The following DCAF13 variants were observed in gnomAD, a reference collection of about 807,000 sequenced individuals.
DCAF13 encodes DDB1- and CUL4-associated factor 13.
DCAF13 carries 38 observed loss-of-function variants against 59.0 expected under a neutral mutation model. The observed-to-expected ratio is 0.64, with a 90% CI of 0.50 to 0.84. The LOEUF (loss-of-function observed/expected upper bound fraction) is 0.84. Among genes scored for constraint, DCAF13 ranks in the 40% least tolerant of loss-of-function variants. DCAF13 has a pLI of 0.00. For missense variants in DCAF13, 469 were observed against 558.4 expected, an observed-to-expected ratio of 0.84 and a Z score of 1.61; for synonymous variants, 173 against 175.0, an observed-to-expected ratio of 0.99 and a Z score of 0.09.
At chr8:103,440,417 G>T in intron 9 of DCAF13, 146 bp downstream of exon 9, 2 of 622,322 alleles carry the variant, frequency 3.2e-6, no homozygotes, top group South Asian at 5.5e-5. Context: ...AATGGACAAG[G>T]TTGTATTGAT....
chr8:103,422,458 G>A (rs1471429850), intron 3 of DCAF13, among the ~76,000 whole-genome samples: 1 of 152,216 alleles, frequency 6.6e-6, no homozygotes, highest in Non-Finnish European at 1.5e-5. Flanking sequence ...CCTCTGGGAA[G>A]TGGGAAAACT....
intron 7 of DCAF13, among the ~76,000 whole-genome samples, chr8:103,434,362 A>C (rs1052880584): frequency 6.6e-6 from 1 of 152,042 alleles, no homozygotes; most frequent in Non-Finnish European, 1.5e-5. Flanking sequence ...CATGTACACA[A>C]ATTGATATGC....
chr8:103,441,772 T>C lies in DCAF13; in HGVS notation c.1250+154T>C. The C allele has an allele frequency of 7.1e-6, 5 of 701,026 alleles. No homozygotes were observed. In the South Asian group the frequency reaches 1.1e-4, roughly 15 times the overall value. The allele number at this position is 701,026 out of a possible 1,614,324, so 43.4% of individuals were successfully genotyped here. On this transcript the variant is annotated intron_variant, in intron 10 of 10. Transcript: ENST00000612750. The stretch of plus-strand genomic sequence containing the variant: ...TTTGAAGACTTCTACAGAAGGCCTT[T>C]TCTTTTTTCTTTTTTTTTTTTTTGA...
chr8:103,417,659 AAG>A (rs1168756112), intron 1 of DCAF13, among the ~76,000 whole-genome samples: 1 of 151,480 alleles, frequency 6.6e-6, no homozygotes, highest in Non-Finnish European at 1.5e-5. Context: ...AAAAAAAAAA[AAG>A]AACATCTTTA....
intron 5 of DCAF13, chr8:103,428,826 T>C (rs866346495): frequency 1.3e-5 from 2 of 152,272 alleles, no homozygotes; most frequent in Middle Eastern, 3.4e-3. Flanking sequence ...GATCACCAAT[T>C]CTAAAATCGT....
chr8:103,438,190 A>G (rs1042192990), intron 8 of DCAF13, among the ~76,000 whole-genome samples: 3 of 152,084 alleles, frequency 2.0e-5, no homozygotes, highest in Non-Finnish European at 4.4e-5. Flanking sequence ...ACTGCTTTGG[A>G]AAAAAGGGCT....
Position 103,437,372 on chromosome 8 carries a change from A to T in DCAF13, c.950+1582A>T, listed in dbSNP as rs545013136. Among the ~76,000 whole-genome samples the T allele has an allele frequency of 1.2e-3, 183 of 152,302 alleles. 1 individual carries two copies. Among genetic ancestry groups the T allele is most frequent in the African/African-American group, 4.3e-3 (177 of 41,558 alleles). On this transcript the variant is annotated intron_variant, in intron 8 of 10. Coordinates refer to ENST00000612750, the MANE Select transcript of DCAF13 (RefSeq NM_015420.7). Reference sequence around the variant, plus strand: ...ACAAAAGAATGAAACGAGAACAAAGAAAAAAACAGGACTGTGTAGTTACCT... The same window carrying T: ...ACAAAAGAATGAAACGAGAACAAAGTAAAAAACAGGACTGTGTAGTTACCT...
chr8:103,426,094 T>A lies in DCAF13; in HGVS notation c.417T>A (p.Asp139Glu), dbSNP rs1816789137. The A allele has an allele frequency of 1.2e-6, 2 of 1,612,770 alleles. No individual in the cohort carries two copies. Among genetic ancestry groups the A allele is most frequent in the African/African-American group, 2.7e-5 (2 of 74,860 alleles). Residue 139 changes from aspartate (D) to glutamate (E), a missense_variant, in exon 4 of 11, where the codon GAT becomes GAA. Asp to Glu is a conservative substitution (Grantham distance 45, BLOSUM62 2). Coordinates refer to ENST00000612750, the MANE Select transcript of DCAF13 (RefSeq NM_015420.7). ...AAACTGTGAAGCAGTGGAAAATGGA[T>A]GGGCCAGGCTATGGAGACGAGGAAG... ...DDKTVKQWKM[D>E]GPGYGDEEEP...
chr8:103,418,850 A>ATTTATATATT (rs1451918664), intron 1 of DCAF13, among the ~76,000 whole-genome samples: 4 of 17,994 alleles, frequency 2.2e-4, no homozygotes, highest in African/African-American at 1.1e-3. Context: ...ATATATATAT[A>ATTTATATATT]TATATATATA....
chr8:103,430,620 C>T lies in DCAF13; in HGVS notation c.633C>T (p.Leu211=). 2 of 1,610,812 alleles carry T rather than the reference C, an allele frequency of 1.2e-6. No individual in the cohort carries two copies. The highest frequency in any genetic ancestry group is 1.7e-6 in the Non-Finnish European group (2 of 1,178,332). Residue 211 remains leucine (L), a synonymous_variant, in exon 6 of 11, where the codon CTC becomes CTT. Transcript: ENST00000612750. ...SVKFNPIETF[L]LGSCASDRNI... Reference sequence around the variant, plus strand: ...GTTATACTTGTTTTTAGACATTTCTCTTGGGAAGTTGTGCATCTGACAGGA... The same window carrying T: ...GTTATACTTGTTTTTAGACATTTCTTTTGGGAAGTTGTGCATCTGACAGGA...
chr8:103,440,338 G>A (rs947794897), intron 9 of DCAF13, 67 bp downstream of exon 9: 4 of 1,357,044 alleles, frequency 2.9e-6, no homozygotes, highest in Admixed American at 2.7e-5. Flanking sequence ...ATTACATTAT[G>A]AAAATTTACT....
intron 8 of DCAF13, chr8:103,439,902 T>C (rs1816984767): frequency 7.1e-6 from 2 of 280,916 alleles, no homozygotes; most frequent in Non-Finnish European, 1.3e-5. Flanking sequence ...TTTGTTCATA[T>C]TTATTTCTCT....
chr8:103,437,907 G>A (rs1371978448), intron 8 of DCAF13, among the ~76,000 whole-genome samples: 1 of 152,024 alleles, frequency 6.6e-6, no homozygotes, highest in Non-Finnish European at 1.5e-5. Flanking sequence ...GTGTTCACAT[G>A]GAAAAATTAG....
intron 3 of DCAF13, among the ~76,000 whole-genome samples, chr8:103,422,995 G>C: frequency 6.6e-6 from 1 of 151,376 alleles, no homozygotes; most frequent in East Asian, 1.9e-4. Flanking sequence ...TTCGGTTTTG[G>C]TGTAAAAAAA....
Position 103,420,387 on chromosome 8 carries a change from A to G in DCAF13, c.194A>G (p.His65Arg). 1 of 1,614,194 alleles carries G rather than the reference A, an allele frequency of 6.2e-7. No individual in the cohort carries two copies. Among genetic ancestry groups the G allele is most frequent in the East Asian group, 2.2e-5 (1 of 44,882 alleles). Residue 65 changes from histidine (H) to arginine (R), a missense_variant, in exon 2 of 11, where the codon CAC becomes CGC. His to Arg is a conservative substitution (Grantham distance 29). Transcript: ENST00000612750. The stretch of plus-strand genomic sequence containing the variant: ...CCATTCCTTGCTTCGCTGGATGGTC[A>G]CCGTGATGGAGTCAATTGCTTGGCA... ...AKPFLASLDG[H>R]RDGVNCLAKH...
chr8:103,440,019 GTTT>G, intron 8 of DCAF13, 114 bp from the exon 9 acceptor site: 1 of 788,792 alleles, frequency 1.3e-6, no homozygotes, highest in Non-Finnish European at 1.8e-6. Context: ...AAGAATTTGA[GTTT>G]TTATTTTATA....
At chr8:103,440,767 T>C (rs1358915978) in intron 9 of DCAF13, 2 of 152,420 alleles carry the variant, frequency 1.3e-5, no homozygotes, top group Non-Finnish European at 2.9e-5. Context: ...TATCATTGGC[T>C]GGTTACCTCC....
intron 1 of DCAF13, among the ~76,000 whole-genome samples, chr8:103,417,202 A>C (rs949212653): frequency 6.6e-6 from 1 of 152,200 alleles, no homozygotes; most frequent in Non-Finnish European, 1.5e-5. Context: ...CCAGTATGCA[A>C]CCCGTCCCGT....
At chr8:103,420,861 G>A in intron 2 of DCAF13, 114 bp from the exon 3 acceptor site, 1 of 703,230 alleles carries the variant, frequency 1.4e-6, no homozygotes, top group East Asian at 2.6e-5. Flanking sequence ...TTAATCCAAA[G>A]GATTTTGGTT....
Sources: gnomAD v4.1 joint callset for allele counts (sites outside exome capture counted in the v4.1 genomes callset) on GRCh38, gnomAD v4.1.1 for gene constraint, MANE v1.5 for transcripts, NCBI Gene and HGNC (gene_info 2026-07-23, HGNC 2026-07-21) for gene names.